SUGP2: variants seen among roughly 807,000 people sequenced by gnomAD.
The protein encoded by SUGP2 is SURP and G-patch domain containing 2.
In SUGP2, 24 loss-of-function variants were observed where a neutral mutation model predicts 90.5. That is an observed-to-expected ratio of 0.27 (90% CI 0.19 to 0.37). SUGP2 has a LOEUF of 0.37. SUGP2 is among the 10% of genes least tolerant of loss of function. SUGP2 has a pLI of 1.00. For synonymous variants in SUGP2, 473 were observed against 513.4 expected (o/e 0.92, Z 1.06); for missense variants, 1,233 against 1,363.3 (o/e 0.90, Z 1.51).
At chr19:19,003,896 C>T (rs1370429738) in intron 7 of SUGP2, among the ~76,000 whole-genome samples, 1 of 152,190 alleles carries the variant, frequency 6.6e-6, no homozygotes, top group African/African-American at 2.4e-5. Flanking sequence ...CAGGCCCATC[C>T]CCTCCACAGT....
intron 5 of SUGP2, among the ~76,000 whole-genome samples, chr19:19,009,004 C>T (rs1485065958): frequency 6.6e-6 from 1 of 152,140 alleles, no homozygotes; most frequent in Admixed American, 6.6e-5. Context: ...CTCCGCCTCC[C>T]GGGTTCAAGC....
At chr19:19,005,131 A>G (rs1345582004) in intron 6 of SUGP2, among the ~76,000 whole-genome samples, 1 of 152,110 alleles carries the variant, frequency 6.6e-6, no homozygotes, top group Non-Finnish European at 1.5e-5. Context: ...CACCCCTAGC[A>G]CTTCCCGCTC....
chr19:19,020,258 T>C (rs1599530911), intron 3 of SUGP2, among the ~76,000 whole-genome samples: 1 of 151,218 alleles, frequency 6.6e-6, no homozygotes, highest in Non-Finnish European at 1.5e-5. Flanking sequence ...TGAAACTCCA[T>C]TTCTACTAAA....
chr19:18,995,283 G>A lies in SUGP2; in HGVS notation c.2992-3C>T. The A allele has an allele frequency of 1.9e-6, 3 of 1,599,974 alleles. No homozygotes were observed. Among genetic ancestry groups the A allele is most frequent in the Non-Finnish European group, 2.6e-6 (3 of 1,173,098 alleles). On this transcript the variant is annotated splice_polypyrimidine_tract_variant and splice_region_variant and intron_variant, in intron 8 of 10. Transcript: ENST00000452918. Reference sequence around the variant, plus strand: ...GCGAAGTCCAAGTCCTTGGGTTTCTGAGGAGAGAGGAGAGTCCAGGCATGT... The same window carrying A: ...GCGAAGTCCAAGTCCTTGGGTTTCTAAGGAGAGAGGAGAGTCCAGGCATGT...
In SUGP2 at chr19:19,019,991, C is replaced by CAAAA. The variant is rs11434968; in HGVS notation, c.1730-766_1730-763dup. ...GTGAAACTCCGTCTCTGCTAAAATA[C>CAAAA]AAAAAAAAAAAAAAAAAAAAAAATT... On this transcript the variant is annotated intron_variant, in intron 3 of 10. Coordinates refer to ENST00000452918, the MANE Select transcript of SUGP2 (RefSeq NM_001017392.5). Among the ~76,000 whole-genome samples, 44 of 34,818 alleles carry CAAAA rather than the reference C, an allele frequency of 1.3e-3. 1 individual carries two copies. Among genetic ancestry groups the CAAAA allele is most frequent in the African/African-American group, 1.7e-3 (13 of 7,762 alleles). The allele number at this position is 34,818 out of a possible 152,430, so 22.8% of individuals were successfully genotyped here. A position where few individuals can be genotyped will look rare whatever the true frequency, so the allele number is the denominator to read the frequency against.
At chr19:18,994,603 C>A in intron 9 of SUGP2, 117 bp from the exon 10 acceptor site, 1 of 1,378,242 alleles carries the variant, frequency 7.3e-7, no homozygotes, top group Non-Finnish European at 9.9e-7. Context: ...CACACTGAGA[C>A]ATCAAAGAAA....
chr19:19,029,939 T>C (rs556325591), intron 2 of SUGP2, among the ~76,000 whole-genome samples: 259 of 148,942 alleles, frequency 1.7e-3, no homozygotes, highest in Admixed American at 2.5e-3. Context: ...CAAGACTCTG[T>C]CTCAAATAAA....
chr19:19,017,457 T>C (rs988694164), intron 4 of SUGP2, among the ~76,000 whole-genome samples: 3 of 152,228 alleles, frequency 2.0e-5, no homozygotes, highest in African/African-American at 7.2e-5. Context: ...CCAACCCTAA[T>C]ACAGAATGAT....
rs539261132 is a variant in SUGP2, at chr19:19,010,842, T to C, written c.1851-500A>G. ...AAAGAGAAGGTTGAGCTACATGTAC[T>C]AACAGAAAAATATTCAGCTGGGCGT... On this transcript the variant is annotated intron_variant, in intron 4 of 10. Coordinates refer to ENST00000452918, the MANE Select transcript of SUGP2 (RefSeq NM_001017392.5). 2.6e-5 allele frequency among the ~76,000 whole-genome samples: 4 copies of C among 151,442 alleles called. No homozygotes were observed. In the South Asian group the frequency reaches 8.3e-4, roughly 31 times the overall value.
Position 19,019,141 on chromosome 19 carries a change from C to T in SUGP2, c.1818G>A (p.Glu606=), listed in dbSNP as rs775073501. 3 of 1,614,140 alleles carry T rather than the reference C, an allele frequency of 1.9e-6. No individual in the cohort carries two copies. The highest frequency in any genetic ancestry group is 2.5e-6 in the Non-Finnish European group (3 of 1,179,964). ...CAGGGTCCTCTTTGAGAAGAGTTCT[C>T]TCTTTGGGAGACAGGCTGCCTTCGA... ...RVIEGSLSPK[E]RTLLKEDPAY... Residue 606 remains glutamate (E), a synonymous_variant, in exon 4 of 11, where the codon GAG becomes GAA. Transcript: ENST00000452918.
rs905221278 is a variant in SUGP2, at chr19:18,990,903, C to T, written c.*2838G>A. The T allele has an allele frequency of 6.6e-6, 1 of 152,260 alleles. No homozygotes were observed. The highest frequency in any genetic ancestry group is 6.5e-5 in the Admixed American group (1 of 15,288). 9.4% of individuals were successfully genotyped at this position (152,260 alleles called of 1,614,324 possible). ...GAGACCCCAGCACACTGCATTTCCTCTACATTTATTGCAACGGCTAAATGA... is the reference window on the plus strand; with the variant it reads ...GAGACCCCAGCACACTGCATTTCCTTTACATTTATTGCAACGGCTAAATGA... On this transcript the variant is annotated 3_prime_UTR_variant, in exon 11 of 11. Coordinates refer to ENST00000452918, the MANE Select transcript of SUGP2 (RefSeq NM_001017392.5).
At chr19:19,014,473 C>A (rs2058421394) in intron 4 of SUGP2, among the ~76,000 whole-genome samples, 1 of 152,008 alleles carries the variant, frequency 6.6e-6, no homozygotes, top group Admixed American at 6.6e-5. Flanking sequence ...TATCTGCCTC[C>A]TAGAGGTCTG....
intron 4 of SUGP2, among the ~76,000 whole-genome samples, chr19:19,011,481 TTTCTC>T (rs1024765389): frequency 2.6e-5 from 4 of 152,148 alleles, no homozygotes; most frequent in Non-Finnish European, 4.4e-5. Flanking sequence ...GAAGTCACTC[TTTCTC>T]TTAAGTATTT....
At position 19,024,904 on chromosome 19, in the gene SUGP2, GGGCCAAAGACTTCCGGCAGAGAGAGTT is replaced by G. The variant is rs1454200210; in HGVS notation, c.1417_1443del (p.Asn473_Ala481del). ...GCCAAGGAAAATGTCTGTCCCAAAAGGGCCAAAGACTTCCGGCAGAGAGAGTTGGTGGTTTCTAGGGCAAGAGCCAAG... is the reference window on the plus strand; with the variant it reads ...GCCAAGGAAAATGTCTGTCCCAAAAGGGTGGTTTCTAGGGCAAGAGCCAAG... On this transcript the variant is annotated inframe_deletion, in exon 3 of 11. Transcript: ENST00000452918. 6.2e-7 allele frequency: 1 copy of G among 1,614,064 alleles called. No individual in the cohort carries two copies. The highest frequency in any genetic ancestry group is 8.5e-7 in the Non-Finnish European group (1 of 1,180,042).
intron 10 of SUGP2, 104 bp downstream of exon 10, chr19:18,994,262 A>G: frequency 6.8e-7 from 1 of 1,480,086 alleles, no homozygotes; most frequent in Non-Finnish European, 9.2e-7. Context: ...TGTGTGTGGC[A>G]TTTTTGGGGG....
intron 4 of SUGP2, among the ~76,000 whole-genome samples, chr19:19,011,442 C>T (rs1419055345): frequency 1.3e-5 from 2 of 152,104 alleles, no homozygotes; most frequent in Non-Finnish European, 2.9e-5. Context: ...GCCACTGCAC[C>T]TGGCCCACTA....
chr19:19,001,760 G>A lies in SUGP2; in HGVS notation c.2930-86C>T, dbSNP rs1016802002. 4.3e-6 allele frequency: 6 copies of A among 1,408,376 alleles called. No individual in the cohort carries two copies. In the African/African-American group the frequency reaches 5.6e-5, roughly 13 times the overall value. 87.2% of individuals were successfully genotyped at this position (1,408,376 alleles called of 1,614,324 possible). On this transcript the variant is annotated intron_variant, in intron 7 of 10. Coordinates refer to ENST00000452918, the MANE Select transcript of SUGP2 (RefSeq NM_001017392.5). ...ACTGAAGATCTTGCAGTCTATTTTGGCTAACAGTTCTCTGATGACAGAAGG... is the reference window on the plus strand; with the variant it reads ...ACTGAAGATCTTGCAGTCTATTTTGACTAACAGTTCTCTGATGACAGAAGG...
At chr19:19,026,440 G>C (rs2058936326) in intron 2 of SUGP2, among the ~76,000 whole-genome samples, 1 of 152,162 alleles carries the variant, frequency 6.6e-6, no homozygotes, top group African/African-American at 2.4e-5. Flanking sequence ...TAAAACAGAA[G>C]ACCTATAAGC....
Position 19,025,700 on chromosome 19 carries a change from T to C in SUGP2, c.648A>G (p.Leu216=). Residue 216 remains leucine, a synonymous_variant, in exon 3 of 11, where the codon CTA becomes CTG. Coordinates refer to ENST00000452918, the MANE Select transcript of SUGP2 (RefSeq NM_001017392.5). Reference sequence around the variant, plus strand: ...GGGAACCTTCCTGGTCAACGATGTTTAGAGCTCGACCTCTGGCCTGGACTT... The same window carrying C: ...GGGAACCTTCCTGGTCAACGATGTTCAGAGCTCGACCTCTGGCCTGGACTT... ...GSQVQARGRA[L]NIVDQEGSLL... 1.2e-6 allele frequency: 2 copies of C among 1,613,966 alleles called. No individual in the cohort carries two copies. The highest frequency in any genetic ancestry group is 8.5e-7 in the Non-Finnish European group (1 of 1,179,920).
Sources: gnomAD v4.1 joint callset for allele counts (sites outside exome capture counted in the v4.1 genomes callset) on GRCh38, gnomAD v4.1.1 for gene constraint, MANE v1.5 for transcripts, NCBI Gene and HGNC (gene_info 2026-07-23, HGNC 2026-07-21) for gene names.